Variants in ADAM12 observed in about 807,000 individuals in gnomAD.
The protein encoded by ADAM12 is ADAM metallopeptidase domain 12.
A neutral mutation model predicts 106.4 loss-of-function variants in ADAM12; 70 were observed. The observed-to-expected ratio is 0.66, with a 90% CI of 0.54 to 0.80. The LOEUF (loss-of-function observed/expected upper bound fraction) is 0.80. Ranked by LOEUF, ADAM12 falls within the 30% of genes least tolerant of loss-of-function variation. ADAM12 has a pLI of 0.00. For synonymous variants in ADAM12, 420 were observed against 433.5 expected (o/e 0.97, Z 0.39); for missense variants, 1,010 against 1,171.9 (o/e 0.86, Z 2.02).
intron 3 of ADAM12, among the ~76,000 whole-genome samples, chr10:126,190,742 A>T (rs1053495104): frequency 6.6e-6 from 1 of 152,160 alleles, no homozygotes; most frequent in Non-Finnish European, 1.5e-5. Context: ...AAGTGATGCT[A>T]TGGTGGCTGA....
chr10:126,086,668 AAAAAAAAAAAAAATATATAT>A (rs1268560432), intron 11 of ADAM12, among the ~76,000 whole-genome samples: 2 of 47,822 alleles, frequency 4.2e-5, no homozygotes, highest in African/African-American at 2.9e-4. Context: ...AAAAAAAAAA[AAAAAAAAAAAAAATATATAT>A]ATATATATAT....
intron 3 of ADAM12, among the ~76,000 whole-genome samples, chr10:126,205,256 C>A (rs10794067): frequency 6.6e-6 from 1 of 151,686 alleles, no homozygotes; most frequent in Non-Finnish European, 1.5e-5. Flanking sequence ...TGGCACAAAA[C>A]CTCTTTACCT....
chr10:126,041,749 G>C, intron 18 of ADAM12: 2 of 1,047,378 alleles, frequency 1.9e-6, no homozygotes, highest in Non-Finnish European at 2.3e-6. Context: ...CTGGGGAAAG[G>C]GGACACTGGG....
At chr10:126,086,683 ATAT>A (rs1565045789) in intron 11 of ADAM12, among the ~76,000 whole-genome samples, 26 of 50,876 alleles carry the variant, frequency 5.1e-4, no homozygotes, top group African/African-American at 2.3e-3. Context: ...AAAAAAAAAT[ATAT>A]ATATATATAT....
At chr10:126,290,405 T>C (rs946897277) in intron 2 of ADAM12, among the ~76,000 whole-genome samples, 1 of 152,218 alleles carries the variant, frequency 6.6e-6, no homozygotes, top group Non-Finnish European at 1.5e-5. Context: ...TAAATGGGTG[T>C]CATTTTAAGC....
intron 12 of ADAM12, chr10:126,067,069 C>G (rs769609605): frequency 6.8e-6 from 3 of 443,772 alleles, no homozygotes; most frequent in Non-Finnish European, 8.4e-6. Flanking sequence ...ATAGGCTGGC[C>G]GGCTGGGGAC....
intron 21 of ADAM12, among the ~76,000 whole-genome samples, chr10:126,035,851 A>C (rs1442121003): frequency 6.6e-6 from 1 of 152,176 alleles, no homozygotes; most frequent in Non-Finnish European, 1.5e-5. Flanking sequence ...AATTATTACT[A>C]GTCCCTCTGC....
chr10:126,289,323 G>A (rs1413908934), intron 2 of ADAM12, among the ~76,000 whole-genome samples: 1 of 152,262 alleles, frequency 6.6e-6, no homozygotes, highest in Admixed American at 6.5e-5. Context: ...ACCATCAGAT[G>A]CCAAGGCGGG....
rs1416433735 is a variant in ADAM12, at chr10:126,016,397, G to A, written c.*882C>T. The A allele has an allele frequency of 6.6e-6, 1 of 152,154 alleles. No homozygotes were observed. Among genetic ancestry groups the A allele is most frequent in the Non-Finnish European group, 1.5e-5 (1 of 68,066 alleles). 9.4% of individuals were successfully genotyped at this position (152,154 alleles called of 1,614,324 possible). A position where few individuals can be genotyped will look rare whatever the true frequency, so the allele number is the denominator to read the frequency against. Reference sequence around the variant, plus strand: ...ATTTGCTCAGCTCCAAGCAGTATAGGGAGGTGGCGGTTTGCAGTGCCTGGG... The same window carrying A: ...ATTTGCTCAGCTCCAAGCAGTATAGAGAGGTGGCGGTTTGCAGTGCCTGGG... On this transcript the variant is annotated 3_prime_UTR_variant, in exon 23 of 23. Coordinates refer to ENST00000448723, the MANE Select transcript of ADAM12 (RefSeq NM_001288973.2).
chr10:126,150,020 G>T (rs1047376135), intron 4 of ADAM12, among the ~76,000 whole-genome samples: 2 of 152,124 alleles, frequency 1.3e-5, no homozygotes, highest in Non-Finnish European at 2.9e-5. Flanking sequence ...AACTAGTAAG[G>T]GAGATTGTAA....
intron 3 of ADAM12, among the ~76,000 whole-genome samples, chr10:126,193,589 T>C (rs1056921375): frequency 6.6e-6 from 1 of 152,158 alleles, no homozygotes; most frequent in Admixed American, 6.5e-5. Flanking sequence ...AATGGCATTA[T>C]CACACCTTTT....
chr10:126,357,203 GC>G (rs1475025076), intron 1 of ADAM12, among the ~76,000 whole-genome samples: 2 of 152,026 alleles, frequency 1.3e-5, no homozygotes, highest in East Asian at 1.9e-4. Flanking sequence ...AATTGTGAGA[GC>G]AGCAAAAGAT....
At chr10:126,379,735 C>T (rs1590845593) in intron 1 of ADAM12, among the ~76,000 whole-genome samples, 1 of 132,982 alleles carries the variant, frequency 7.5e-6, no homozygotes, top group Admixed American at 8.3e-5. Context: ...TCATGTACTC[C>T]CAGTATTTCA....
intron 11 of ADAM12, chr10:126,090,903 A>G (rs144270310): frequency 6.6e-6 from 1 of 152,350 alleles, no homozygotes; most frequent in East Asian, 1.9e-4. Flanking sequence ...GTTCTTTTTG[A>G]TTCTGAGATG....
chr10:126,088,575 T>A (rs919400441), intron 11 of ADAM12, among the ~76,000 whole-genome samples: 1 of 149,732 alleles, frequency 6.7e-6, no homozygotes, highest in Non-Finnish European at 1.5e-5. Flanking sequence ...CTGGGCATGG[T>A]GGTGTGTGCC....
intron 4 of ADAM12, among the ~76,000 whole-genome samples, chr10:126,142,953 T>C (rs986766027): frequency 6.6e-6 from 1 of 152,118 alleles, no homozygotes; most frequent in African/African-American, 2.4e-5. Flanking sequence ...TGTGTATATA[T>C]GCATGTGTGT....
At chr10:126,087,678 G>A (rs1329183731) in intron 11 of ADAM12, among the ~76,000 whole-genome samples, 1 of 152,174 alleles carries the variant, frequency 6.6e-6, no homozygotes, top group Non-Finnish European at 1.5e-5. Context: ...ATCTCCAACA[G>A]CACCCCAAAG....
At chr10:126,316,781 C>T (rs1408003882) in intron 2 of ADAM12, among the ~76,000 whole-genome samples, 2 of 125,928 alleles carry the variant, frequency 1.6e-5, no homozygotes, top group African/African-American at 3.0e-5. Context: ...GAGACCCTAT[C>T]TCAAAAAAAA....
intron 3 of ADAM12, among the ~76,000 whole-genome samples, chr10:126,168,521 TTAA>T (rs2133757291): frequency 6.6e-6 from 1 of 152,282 alleles, no homozygotes; most frequent in Non-Finnish European, 1.5e-5. Context: ...ATTATTATTA[TTAA>T]TAAGTCCGCT....
Sources: allele counts gnomAD v4.1 joint callset (sites outside exome capture counted in the v4.1 genomes callset), GRCh38; gene constraint gnomAD v4.1.1; transcripts MANE v1.5; gene names NCBI Gene and HGNC (gene_info 2026-07-23, HGNC 2026-07-21).